The following UBE2J1 variants were observed in gnomAD, a reference collection of about 807,000 sequenced individuals.
UBE2J1 encodes ubiquitin-conjugating enzyme E2 J1.
A neutral mutation model predicts 42.1 loss-of-function variants in UBE2J1; 17 were observed. The observed-to-expected ratio is 0.40, with a 90% CI of 0.28 to 0.61. The LOEUF (loss-of-function observed/expected upper bound fraction) is 0.61. Among genes scored for constraint, UBE2J1 ranks in the 20% least tolerant of loss-of-function variants. The pLI is 0.38. For missense variants in UBE2J1, 291 were observed against 389.4 expected (o/e 0.75, Z 2.13); for synonymous variants, 127 against 137.2 (o/e 0.93, Z 0.52).
At chr6:89,342,284 G>A in intron 3 of UBE2J1, 40 bp downstream of exon 3, 2 of 1,605,812 alleles carry the variant, frequency 1.2e-6, no homozygotes, top group African/African-American at 1.3e-5. Flanking sequence ...CTACCAGGAA[G>A]AGTGAAGCCA....
At chr6:89,340,505 A>C (rs1163988840) in intron 3 of UBE2J1, among the ~76,000 whole-genome samples, 2 of 152,208 alleles carry the variant, frequency 1.3e-5, no homozygotes, top group Non-Finnish European at 2.9e-5. Context: ...CAGCATTAGC[A>C]GTTCTCTATA....
At position 89,338,878 on chromosome 6, in the gene UBE2J1, G is replaced by A. The variant is rs1034886004; in HGVS notation, c.238-335C>T. On this transcript the variant is annotated intron_variant, in intron 3 of 7. Transcript: ENST00000435041. Reference sequence around the variant, plus strand: ...GACGGGGTTTCACCGTGTTAGCCAGGATGGTCTCGATATCCTGACCTTGTG... The same window carrying A: ...GACGGGGTTTCACCGTGTTAGCCAGAATGGTCTCGATATCCTGACCTTGTG... Among the ~76,000 whole-genome samples the A allele has an allele frequency of 5.9e-5, 9 of 151,968 alleles. No individual in the cohort carries two copies. The East Asian group carries it at 1.4e-3, about 23-fold the overall frequency.
At chr6:89,349,096 G>A (rs1768416000) in intron 1 of UBE2J1, among the ~76,000 whole-genome samples, 1 of 152,160 alleles carries the variant, frequency 6.6e-6, no homozygotes, top group Non-Finnish European at 1.5e-5. Flanking sequence ...AATTAGCTGG[G>A]TGTGGTGGCA....
chr6:89,335,828 A>G (rs1452554148), intron 5 of UBE2J1, among the ~76,000 whole-genome samples: 1 of 152,196 alleles, frequency 6.6e-6, no homozygotes, highest in African/African-American at 2.4e-5. Context: ...AAAGCAGTAA[A>G]GAAACTAATT....
intron 1 of UBE2J1, among the ~76,000 whole-genome samples, chr6:89,351,916 T>A (rs1768488906): frequency 6.6e-6 from 1 of 152,334 alleles, no homozygotes; most frequent in African/African-American, 2.4e-5. Context: ...TACGACTGAA[T>A]ACAGATACAT....
chr6:89,330,803 T>TA (rs1160285681), intron 7 of UBE2J1, among the ~76,000 whole-genome samples: 2 of 152,208 alleles, frequency 1.3e-5, no homozygotes, highest in East Asian at 1.9e-4. Flanking sequence ...CTTAAAAAGA[T>TA]AAAAAATCAC....
chr6:89,337,136 C>T (rs1269095346), intron 5 of UBE2J1, among the ~76,000 whole-genome samples: 1 of 151,986 alleles, frequency 6.6e-6, no homozygotes, highest in African/African-American at 2.4e-5. Context: ...CCACCATGCC[C>T]GGCCCAAAAT....
At chr6:89,342,297 A>G (rs770445799) in intron 3 of UBE2J1, 27 bp downstream of exon 3, 1 of 1,611,524 alleles carries the variant, frequency 6.2e-7, no homozygotes, top group Non-Finnish European at 8.5e-7. Context: ...TGAAGCCACA[A>G]GCACTCTAAA....
intron 1 of UBE2J1, among the ~76,000 whole-genome samples, chr6:89,345,459 AGG>A (rs1768343979): frequency 6.6e-6 from 1 of 151,884 alleles, no homozygotes; most frequent in Non-Finnish European, 1.5e-5. Flanking sequence ...AAAATTAGCC[AGG>A]CATGGTGGCG....
At chr6:89,346,680 G>C (rs1309143954) in intron 1 of UBE2J1, among the ~76,000 whole-genome samples, 1 of 151,286 alleles carries the variant, frequency 6.6e-6, no homozygotes, top group Non-Finnish European at 1.5e-5. Flanking sequence ...ATTTCAATCT[G>C]GGCAGATCAA....
chr6:89,339,975 T>C (rs760464318), intron 3 of UBE2J1, among the ~76,000 whole-genome samples: 2 of 151,238 alleles, frequency 1.3e-5, no homozygotes, highest in Non-Finnish European at 2.9e-5. Flanking sequence ...GTGATCATGC[T>C]ATTGGACTCC....
chr6:89,350,712 T>C (rs532712104), intron 1 of UBE2J1, among the ~76,000 whole-genome samples: 2 of 152,290 alleles, frequency 1.3e-5, no homozygotes, highest in South Asian at 4.1e-4. Context: ...TTCACATACT[T>C]TGGAAATATA....
Position 89,338,394 on chromosome 6 carries a change from T to C in UBE2J1, c.322+65A>G, listed in dbSNP as rs74949641. On this transcript the variant is annotated intron_variant, in intron 4 of 7. Transcript: ENST00000435041. ...CTGGAAAAAGAAAAAATCAGAGTAT[T>C]ATACTTCATAACTATGAATTGACTG... is the stretch of plus-strand genomic sequence containing the variant. 98,907 of 1,565,564 alleles carry C rather than the reference T, an allele frequency of 0.063. 3,708 individuals are homozygous for C. The highest frequency in any genetic ancestry group is 0.13 in the African/African-American group (9,331 of 73,636).
chr6:89,341,027 G>A (rs926707043), intron 3 of UBE2J1, among the ~76,000 whole-genome samples: 14 of 151,374 alleles, frequency 9.2e-5, no homozygotes, highest in African/African-American at 2.4e-5. Flanking sequence ...CACCCGCCTC[G>A]GCCTCCCAAA....
At chr6:89,343,533 A>G (rs1383340376) in intron 2 of UBE2J1, 150 bp downstream of exon 2, 2 of 474,762 alleles carry the variant, frequency 4.2e-6, no homozygotes, top group Non-Finnish European at 7.2e-6. Flanking sequence ...GTGATTTGGA[A>G]TGGCTAATGA....
At chr6:89,343,303 T>G (rs1456584178) in intron 2 of UBE2J1, among the ~76,000 whole-genome samples, 1 of 151,748 alleles carries the variant, frequency 6.6e-6, no homozygotes, top group Non-Finnish European at 1.5e-5. Context: ...GGCGTGGTGG[T>G]GGGGGCCTGT....
intron 3 of UBE2J1, among the ~76,000 whole-genome samples, chr6:89,339,117 T>A (rs1353278680): frequency 6.6e-6 from 1 of 151,844 alleles, no homozygotes; most frequent in African/African-American, 2.4e-5. Flanking sequence ...AAGTGAAATC[T>A]AAATAATTAA....
Position 89,338,513 on chromosome 6 carries a change from T to A in UBE2J1, c.268A>T (p.Ile90Phe). The A allele has an allele frequency of 2.5e-6, 4 of 1,594,218 alleles. No individual in the cohort carries two copies. The highest frequency in any genetic ancestry group is 3.4e-6 in the Non-Finnish European group (4 of 1,174,562). Residue 90 changes from isoleucine (I) to phenylalanine (F), a missense_variant, in exon 4 of 8, where the codon ATC becomes TTC. Coordinates refer to ENST00000435041, the MANE Select transcript of UBE2J1 (RefSeq NM_016021.3). ...ANGRFEVGKK[I>F]CLSISGHHPE... ...TGATGGCCTGAGATGCTCAAACAGA[T>A]TTTCTTGCCCACTTCAAATCGACCA...
Position 89,338,188 on chromosome 6 carries a change from T to G in UBE2J1, c.428+17A>C. The G allele has an allele frequency of 1.3e-6, 2 of 1,587,046 alleles. No individual in the cohort carries two copies. The highest frequency in any genetic ancestry group is 1.7e-6 in the Non-Finnish European group (2 of 1,158,450). On this transcript the variant is annotated intron_variant, in intron 5 of 7. Coordinates refer to ENST00000435041, the MANE Select transcript of UBE2J1 (RefSeq NM_016021.3). ...AATACTATTCAGACCTCAAGAAGAATGAAATGCAAAACTTACTTTTTGGCA... is the reference window on the plus strand; with the variant it reads ...AATACTATTCAGACCTCAAGAAGAAGGAAATGCAAAACTTACTTTTTGGCA...
Sources: allele counts gnomAD v4.1 joint callset (sites outside exome capture counted in the v4.1 genomes callset), GRCh38; gene constraint gnomAD v4.1.1; transcripts MANE v1.5; gene names NCBI Gene and HGNC (gene_info 2026-07-23, HGNC 2026-07-21).